The following TIMM50 variants were observed in gnomAD, a reference collection of about 807,000 sequenced individuals.
The protein encoded by TIMM50 is mitochondrial import inner membrane translocase subunit TIM50.
In TIMM50, 34 loss-of-function variants were observed where a neutral mutation model predicts 49.6. The ratio of observed to expected loss-of-function variants is 0.69; its 90% CI spans 0.52 to 0.91. The LOEUF is 0.91. Ranked by LOEUF, TIMM50 falls within the 40% of genes least tolerant of loss-of-function variation. The probability of loss-of-function intolerance (pLI) is 0.00; values close to 1 mark genes in which losing one functional copy is unlikely to be tolerated. For missense variants in TIMM50, 458 were observed against 477.8 expected, an observed-to-expected ratio of 0.96 and a Z score of 0.39; for synonymous variants, 199 against 198.4, an observed-to-expected ratio of 1.00 and a Z score of -0.03.
Position 39,489,751 on chromosome 19 carries a change from G to T in TIMM50, c.993G>T (p.Lys331Asn). Residue 331 changes from lysine (K) to asparagine (N), a missense_variant, in exon 11 of 11, where the codon AAG (lysine) becomes AAT (asparagine). Physicochemically the swap from Lys to Asn is moderately conservative, Grantham distance 94. Transcript: ENST00000607714. ...EEQQRLAELS[K>N]SNKQNLFLGS... is the part of the protein sequence containing the mutation. Reference sequence around the variant, plus strand: ...AGCAGCGCCTGGCCGAGCTCTCCAAGTCCAACAAGCAGAACCTCTTCCTTG... The same window carrying T: ...AGCAGCGCCTGGCCGAGCTCTCCAATTCCAACAAGCAGAACCTCTTCCTTG... 6.2e-7 allele frequency: 1 copy of T among 1,612,102 alleles called. No individual in the cohort carries two copies. Among genetic ancestry groups the T allele is most frequent in the Non-Finnish European group, 8.5e-7 (1 of 1,179,334 alleles).
At chr19:39,485,335 T>A in intron 4 of TIMM50, 1 of 612,490 alleles carries the variant, frequency 1.6e-6, no homozygotes, top group Non-Finnish European at 2.9e-6. Context: ...TGGATATAAG[T>A]ATCAGCTTAA....
chr19:39,482,738 C>T (rs1600737671), intron 2 of TIMM50, 147 bp from the exon 3 acceptor site: 2 of 975,160 alleles, frequency 2.1e-6, no homozygotes, highest in Middle Eastern at 2.2e-4. Flanking sequence ...GGAATCTTGG[C>T]TCCCAGCCCC....
intron 1 of TIMM50, chr19:39,481,194 A>T: frequency 5.3e-6 from 3 of 571,270 alleles, no homozygotes; most frequent in Non-Finnish European, 8.9e-6. Context: ...CCGGAGGAGG[A>T]GGGGGTTACC....
Position 39,492,539 on chromosome 19 carries a change from T to A in TIMM50, c.*2719T>A, listed in dbSNP as rs2079552623. ...GTTATATGTATATATTCCCAGGTGC[T>A]TGCTGTTACCAGGCCATATGGGTTA... On this transcript the variant is annotated 3_prime_UTR_variant, in exon 11 of 11. Transcript: ENST00000607714. The A allele has an allele frequency of 6.6e-6, 1 of 152,068 alleles. No individual in the cohort carries two copies. Among genetic ancestry groups the A allele is most frequent in the African/African-American group, 2.4e-5 (1 of 41,422 alleles). The allele number at this position is 152,068 out of a possible 1,614,324, so 9.4% of individuals were successfully genotyped here.
rs2079534262 is a variant in TIMM50 at position 39,489,973 on chromosome 19, G to A, written c.*153G>A. ...AGATGGGGGCATCAGGGTGAGGTCC[G>A]GGACTCTTGGGTCATCGTCCCACAG... On this transcript the variant is annotated 3_prime_UTR_variant, in exon 11 of 11. Coordinates refer to ENST00000607714, the MANE Select transcript of TIMM50 (RefSeq NM_001001563.5). 5.6e-6 allele frequency: 4 copies of A among 711,960 alleles called. No homozygotes were observed. Among genetic ancestry groups the A allele is most frequent in the East Asian group, 5.5e-5 (2 of 36,672 alleles). The allele number at this position is 711,960 out of a possible 1,614,324, so 44.1% of individuals were successfully genotyped here.
At chr19:39,483,424 C>T (rs2079485640) in intron 4 of TIMM50, 3 of 527,170 alleles carry the variant, frequency 5.7e-6, no homozygotes, top group Non-Finnish European at 6.8e-6. Context: ...GGCCTATCTC[C>T]AGACACATGG....
chr19:39,487,316 C>G (rs1030771117), intron 8 of TIMM50, among the ~76,000 whole-genome samples: 1 of 152,154 alleles, frequency 6.6e-6, no homozygotes, highest in Non-Finnish European at 1.5e-5. Flanking sequence ...GTCACCCAGG[C>G]TGGAGTGCAG....
chr19:39,481,186 G>A (rs1218886785), intron 1 of TIMM50: 3 of 576,732 alleles, frequency 5.2e-6, no homozygotes, highest in African/African-American at 4.0e-5. Context: ...CGTGGGTGCC[G>A]GAGGAGGAGG....
Position 39,480,961 on chromosome 19 carries a change from G to C in TIMM50, c.108G>C (p.Gln36His), listed in dbSNP as rs1188082036. ...LATPPRRAPD[Q>H]AAEIGSRGST... ...CGCCGCCCCGCCGGGCCCCAGATCA[G>C]GTGAGCGGAACGAGGGTGGCCCTCT... is the stretch of plus-strand genomic sequence containing the variant. The change falls in exon 1 of 11, where the codon CAG becomes CAC. Residue 36 changes from glutamine (Q) to histidine (H), a missense_variant and splice_region_variant. By Grantham distance (24) the Gln-to-His change is conservative. Coordinates refer to ENST00000607714, the MANE Select transcript of TIMM50 (RefSeq NM_001001563.5). 9 of 1,581,046 alleles carry C rather than the reference G, an allele frequency of 5.7e-6. No homozygotes were observed. The highest frequency in any genetic ancestry group is 8.5e-7 in the Non-Finnish European group (1 of 1,172,706).
rs2079551402 is a variant in TIMM50, at chr19:39,492,328, GAAGAA to G, written c.*2510_*2514del. On this transcript the variant is annotated 3_prime_UTR_variant, in exon 11 of 11. Coordinates refer to ENST00000607714, the MANE Select transcript of TIMM50 (RefSeq NM_001001563.5). ...GAGCCTGTCTCTTGCGGGGGGGGGA[GAAGAA>G]AGTTCTTGTCTCAGGCTAGCTTTGG... The G allele has an allele frequency of 6.9e-6, 1 of 144,512 alleles. No individual in the cohort carries two copies. The highest frequency in any genetic ancestry group is 2.6e-5 in the African/African-American group (1 of 38,276). 9.0% of individuals were successfully genotyped at this position (144,512 alleles called of 1,614,324 possible).
At chr19:39,482,517 C>T (rs994759799) in intron 2 of TIMM50, among the ~76,000 whole-genome samples, 1 of 151,836 alleles carries the variant, frequency 6.6e-6, no homozygotes, top group Non-Finnish European at 1.5e-5. Flanking sequence ...AAAATTAGCC[C>T]GGTGTGGTGG....
Position 39,488,573 on chromosome 19 carries a change from C to G in TIMM50, c.888C>G (p.Thr296=), listed in dbSNP as rs1056312936. ...IALNGVEDVR[T]VLEHYALEDD... is the part of the protein sequence containing the mutation. ...TGAATGGTGTGGAGGACGTGCGAAC[C>G]GTGCTGGAGCACTATGCCCTGGAGG... Residue 296 remains threonine (T), a synonymous_variant, in exon 10 of 11, where the codon ACC becomes ACG. Coordinates refer to ENST00000607714, the MANE Select transcript of TIMM50 (RefSeq NM_001001563.5). 1 of 1,613,194 alleles carries G rather than the reference C, an allele frequency of 6.2e-7. No homozygotes were observed. Among genetic ancestry groups the G allele is most frequent in the African/African-American group, 1.3e-5 (1 of 74,994 alleles).
At chr19:39,483,412 G>A in intron 4 of TIMM50, 1 of 547,232 alleles carries the variant, frequency 1.8e-6, no homozygotes, top group Middle Eastern at 4.9e-4. Flanking sequence ...GGGACACAGG[G>A]TGGCCTATCT....
At position 39,482,116 on chromosome 19, in the gene TIMM50, A is replaced by G. The variant is rs571752226; in HGVS notation, c.259+83A>G. 4.6e-5 allele frequency: 70 copies of G among 1,530,784 alleles called. No homozygotes were observed. In the African/African-American group the frequency reaches 9.1e-4, roughly 20 times the overall value. The allele number at this position is 1,530,784 out of a possible 1,614,324, so 94.8% of individuals were successfully genotyped here. A position where few individuals can be genotyped will look rare whatever the true frequency, so the allele number is the denominator to read the frequency against. ...GAACCTCCCACTCTTGCCCACTACC[A>G]GCTTCTCTCGTCTTCATTCCCTGGC... On this transcript the variant is annotated intron_variant, in intron 2 of 10. Transcript: ENST00000607714.
intron 5 of TIMM50, 34 bp downstream of exon 5, chr19:39,485,636 T>A: frequency 6.2e-7 from 1 of 1,614,102 alleles, no homozygotes; most frequent in Non-Finnish European, 8.5e-7. Context: ...TCCCCATGTC[T>A]CCAGCCCTGG....
chr19:39,486,325 G>A (rs1236151323), intron 7 of TIMM50, 34 bp downstream of exon 7: 1 of 1,613,158 alleles, frequency 6.2e-7, no homozygotes, highest in South Asian at 1.1e-5. Flanking sequence ...GAATATTGGT[G>A]TGGTGGGAGG....
At chr19:39,487,907 T>G in intron 8 of TIMM50, 154 bp from the exon 9 acceptor site, 1 of 1,180,236 alleles carries the variant, frequency 8.5e-7, no homozygotes, top group Non-Finnish European at 1.2e-6. Flanking sequence ...TGGGGGTCGA[T>G]GCCATCATCC....
In TIMM50 at chr19:39,482,030, T is replaced by C; in HGVS notation, c.256T>C (p.Phe86Leu). The change falls in exon 2 of 11, where the codon TTT (phenylalanine) becomes CTT (leucine). Residue 86 changes from phenylalanine to leucine, a missense_variant. Physicochemically the swap from Phe to Leu is conservative, Grantham distance 22. Coordinates refer to ENST00000607714, the MANE Select transcript of TIMM50 (RefSeq NM_001001563.5). ...TGGGACTGTGAGCGTCGTCTATATC[T>C]TTGGTGAGGGACATATCCCTGTCCC... ...AGGTVSVVYI[F>L]GNNPVDENGA... 1 of 1,613,558 alleles carries C rather than the reference T, an allele frequency of 6.2e-7. No homozygotes were observed. Among genetic ancestry groups the C allele is most frequent in the Non-Finnish European group, 8.5e-7 (1 of 1,179,636 alleles).
chr19:39,492,669 C>G lies in TIMM50; in HGVS notation c.*2849C>G, dbSNP rs1305972831. 6.6e-6 allele frequency: 1 copy of G among 151,408 alleles called. No homozygotes were observed. Among genetic ancestry groups the G allele is most frequent in the Non-Finnish European group, 1.5e-5 (1 of 67,872 alleles). 9.4% of individuals were successfully genotyped at this position (151,408 alleles called of 1,614,324 possible). ...ATCACCTGAGGTCAGGAGTTCGAGACCAGCCTGGCCAACATGGTGAAACCC... is the reference window on the plus strand; with the variant it reads ...ATCACCTGAGGTCAGGAGTTCGAGAGCAGCCTGGCCAACATGGTGAAACCC... On this transcript the variant is annotated 3_prime_UTR_variant, in exon 11 of 11. Coordinates refer to ENST00000607714, the MANE Select transcript of TIMM50 (RefSeq NM_001001563.5).
Sources: gnomAD v4.1 joint callset for allele counts (sites outside exome capture counted in the v4.1 genomes callset) on GRCh38, gnomAD v4.1.1 for gene constraint, MANE v1.5 for transcripts, NCBI Gene and HGNC (gene_info 2026-07-23, HGNC 2026-07-21) for gene names.